The following DNAH7 variants were observed in gnomAD, a reference collection of about 807,000 sequenced individuals.
DNAH7 encodes the protein axonemal beta dynein heavy chain 7.
Under a neutral mutation model 444.6 loss-of-function variants are expected in DNAH7, and 397 were observed. The observed-to-expected ratio is 0.89, with a 90% confidence interval of 0.82 to 0.97. DNAH7 has a LOEUF of 0.97. DNAH7 is among the 50% of genes least tolerant of loss of function. The probability of loss-of-function intolerance (pLI) is 0.00; values close to 1 mark genes in which losing one functional copy is unlikely to be tolerated. For synonymous variants in DNAH7, 1,636 were observed against 1,624.4 expected (o/e 1.01, Z -0.17); for missense variants, 4,902 against 4,800.8 (o/e 1.02, Z -0.62).
chr2:195,744,670 A>G (rs944090927), intron 63 of DNAH7, among the ~76,000 whole-genome samples: 10 of 152,142 alleles, frequency 6.6e-5, no homozygotes, highest in African/African-American at 2.2e-4. Context: ...CCAGAGGAAC[A>G]ATCAGACAGC....
At chr2:195,941,492 G>C (rs1302518185) in intron 19 of DNAH7, among the ~76,000 whole-genome samples, 1 of 149,256 alleles carries the variant, frequency 6.7e-6, no homozygotes, top group Non-Finnish European at 1.5e-5. Context: ...GTTGATAGGT[G>C]CAGCAAACCA....
chr2:195,966,683 C>T (rs976761118), intron 17 of DNAH7, among the ~76,000 whole-genome samples: 15 of 152,110 alleles, frequency 9.9e-5, no homozygotes, highest in Admixed American at 2.0e-4. Flanking sequence ...TGAATTGATC[C>T]TTGTATCGTT....
chr2:195,845,246 G>A lies in DNAH7; in HGVS notation c.8782-81C>T, dbSNP rs1480231495. 3.5e-6 allele frequency: 4 copies of A among 1,140,152 alleles called. No individual in the cohort carries two copies. In the Admixed American group the frequency reaches 8.5e-5, roughly 24 times the overall value. The allele number at this position is 1,140,152 out of a possible 1,614,324, so 70.6% of individuals were successfully genotyped here. ...GCTTTATAATTCCTCAATTTATACT[G>A]TATTCATTGAGTCAACAAACCATTG... On this transcript the variant is annotated intron_variant, in intron 46 of 64. Coordinates refer to ENST00000312428, the MANE Select transcript of DNAH7 (RefSeq NM_018897.3).
At chr2:195,777,241 C>T (rs1173772374) in intron 59 of DNAH7, among the ~76,000 whole-genome samples, 1 of 152,178 alleles carries the variant, frequency 6.6e-6, no homozygotes, top group Non-Finnish European at 1.5e-5. Flanking sequence ...GTGGACAGGA[C>T]TGGAGAAGAG....
rs762667099 is a variant in DNAH7 at position 195,855,889 on chromosome 2, C to CT, written c.8516dup (p.Glu2840GlyfsTer14). The CT allele has an allele frequency of 1.9e-6, 3 of 1,613,910 alleles. No individual in the cohort carries two copies. The highest frequency in any genetic ancestry group is 8.5e-7 in the Non-Finnish European group (1 of 1,179,950). On this transcript the variant is annotated frameshift_variant, in exon 45 of 65. Coordinates refer to ENST00000312428, the MANE Select transcript of DNAH7 (RefSeq NM_018897.3). LOFTEE classifies it high-confidence loss of function. Reference sequence around the variant, plus strand: ...GCCTGGCCAGCTTGTCCTGAACTTCCTTAAGGGCTGCCTGCTTCTTTCTAA... The same window carrying CT: ...GCCTGGCCAGCTTGTCCTGAACTTCCTTTAAGGGCTGCCTGCTTCTTTCTAA...
intron 1 of DNAH7, among the ~76,000 whole-genome samples, chr2:196,064,355 T>C (rs926758061): frequency 6.8e-6 from 1 of 147,998 alleles, no homozygotes; most frequent in Non-Finnish European, 1.5e-5. Flanking sequence ...AAATAATAAA[T>C]AATAAATAAA....
At chr2:196,033,647 T>C (rs1696200421) in intron 5 of DNAH7, among the ~76,000 whole-genome samples, 2 of 152,210 alleles carry the variant, frequency 1.3e-5, no homozygotes, top group Admixed American at 1.3e-4. Flanking sequence ...CTGAAGTGTA[T>C]TCCATTGTGT....
At chr2:196,011,492 C>A (rs1694726005) in intron 10 of DNAH7, among the ~76,000 whole-genome samples, 1 of 152,014 alleles carries the variant, frequency 6.6e-6, no homozygotes. Flanking sequence ...AGAAACACAG[C>A]AGCACAGAAA....
rs1410561200 is a variant in DNAH7, at chr2:195,865,041, C to T, written c.6634-20G>A. 6.5e-7 allele frequency: 1 copy of T among 1,538,774 alleles called. No individual in the cohort carries two copies. Among genetic ancestry groups the T allele is most frequent in the African/African-American group, 1.4e-5 (1 of 72,102 alleles). ...AAGGACCTGTATAATAATTAAAAAG[C>T]AGCTTTAGAAACTTTCTTCTGATTT... On this transcript the variant is annotated intron_variant, in intron 40 of 64. Coordinates refer to ENST00000312428, the MANE Select transcript of DNAH7 (RefSeq NM_018897.3).
chr2:195,867,857 T>G (rs1015833323), intron 40 of DNAH7, among the ~76,000 whole-genome samples: 12 of 152,176 alleles, frequency 7.9e-5, no homozygotes, highest in Non-Finnish European at 1.5e-5. Context: ...TGTTTCTACT[T>G]TTTGGCTATT....
intron 57 of DNAH7, among the ~76,000 whole-genome samples, 191 bp downstream of exon 57, chr2:195,794,147 G>A (rs1434381327): frequency 6.6e-6 from 1 of 152,072 alleles, no homozygotes; most frequent in East Asian, 1.9e-4. Flanking sequence ...TGAGGCTGGT[G>A]CTAAAATTAA....
intron 15 of DNAH7, among the ~76,000 whole-genome samples, chr2:195,983,002 A>T (rs568620835): frequency 3.7e-4 from 57 of 152,312 alleles, no homozygotes; most frequent in African/African-American, 1.3e-3. Context: ...TGAAACACAA[A>T]GGATAAATGC....
In DNAH7 at chr2:195,923,625, T is replaced by C. The variant is rs541351234; in HGVS notation, c.3795A>G (p.Glu1265=). ...KKNISDDSDF[E]WLSQLRYYWQ... is the part of the protein sequence containing the mutation. Reference sequence around the variant, plus strand: ...AGTAGTACCTAAGCTGACTTAACCATTCAAAGTCAGAGTCATCGCTAATAT... The same window carrying C: ...AGTAGTACCTAAGCTGACTTAACCACTCAAAGTCAGAGTCATCGCTAATAT... The change falls in exon 23 of 65, where the codon GAA becomes GAG. Residue 1265 remains glutamate, a synonymous_variant. Coordinates refer to ENST00000312428, the MANE Select transcript of DNAH7 (RefSeq NM_018897.3). The C allele has an allele frequency of 1.5e-5, 24 of 1,614,134 alleles. No individual in the cohort carries two copies. The South Asian group carries it at 2.3e-4, about 16-fold the overall frequency.
chr2:195,996,782 T>C (rs1693724999), intron 12 of DNAH7, among the ~76,000 whole-genome samples: 2 of 152,230 alleles, frequency 1.3e-5, no homozygotes, highest in South Asian at 4.1e-4. Context: ...TTATCTATAT[T>C]GTAACAAAAC....
Position 195,864,449 on chromosome 2 carries a change from T to C in DNAH7, c.7206A>G (p.Gln2402=). The change falls in exon 41 of 65, where the codon CAA becomes CAG. Residue 2402 remains glutamine (Q), a synonymous_variant. Coordinates refer to ENST00000312428, the MANE Select transcript of DNAH7 (RefSeq NM_018897.3). ...MQGVFLFTDT[Q]IKEESFLEDV... Reference sequence around the variant, plus strand: ...CTTCCAGAAAAGACTCTTCTTTAATTTGAGTATCTGTAAACAGGAAGACAC... The same window carrying C: ...CTTCCAGAAAAGACTCTTCTTTAATCTGAGTATCTGTAAACAGGAAGACAC... The C allele has an allele frequency of 6.2e-7, 1 of 1,614,218 alleles. No homozygotes were observed. Among genetic ancestry groups the C allele is most frequent in the Non-Finnish European group, 8.5e-7 (1 of 1,180,044 alleles).
At chr2:195,767,571 T>C (rs1694644246) in intron 61 of DNAH7, among the ~76,000 whole-genome samples, 1 of 152,008 alleles carries the variant, frequency 6.6e-6, no homozygotes, top group Non-Finnish European at 1.5e-5. Flanking sequence ...GGATATCCTT[T>C]TTCTTGTCTC....
chr2:195,794,133 G>T (rs886694987), intron 57 of DNAH7, among the ~76,000 whole-genome samples: 1 of 152,108 alleles, frequency 6.6e-6, no homozygotes, highest in Non-Finnish European at 1.5e-5. Flanking sequence ...CAGCTGAGCA[G>T]GAATGAGGCT....
intron 46 of DNAH7, among the ~76,000 whole-genome samples, chr2:195,846,085 G>C (rs1412641166): frequency 6.6e-6 from 1 of 152,116 alleles, no homozygotes; most frequent in African/African-American, 2.4e-5. Flanking sequence ...TACACAATGG[G>C]GAGAAACATT....
intron 2 of DNAH7, 132 bp from the exon 3 acceptor site, chr2:196,051,381 T>C: frequency 1.4e-6 from 1 of 716,624 alleles, no homozygotes; most frequent in South Asian, 1.7e-5. Flanking sequence ...TAAACTTTAC[T>C]GCTTTTTAAA....
Sources: allele counts gnomAD v4.1 joint callset (sites outside exome capture counted in the v4.1 genomes callset), GRCh38; gene constraint gnomAD v4.1.1; transcripts MANE v1.5; gene names NCBI Gene and HGNC (gene_info 2026-07-23, HGNC 2026-07-21).